Variants in ASPM observed in about 807,000 individuals in gnomAD.
ASPM encodes the protein assembly factor for spindle microtubules, also known as abnormal spindle-like microcephaly-associated protein.
Under a neutral mutation model 366.4 loss-of-function variants are expected in ASPM, and 256 were observed. The ratio of observed to expected loss-of-function variants is 0.70; its 90% confidence interval spans 0.63 to 0.77. ASPM has a LOEUF of 0.77. ASPM is among the 30% of genes least tolerant of loss of function. The pLI, the probability that ASPM is intolerant of heterozygous loss-of-function variation, is 0.00. For missense variants in ASPM, 4,146 were observed against 4,090.4 expected (o/e 1.01, Z -0.37); for synonymous variants, 1,414 against 1,342.9 (o/e 1.05, Z -1.16).
chr1:197,132,117 A>C (rs1658273308), intron 7 of ASPM, among the ~76,000 whole-genome samples, 168 bp downstream of exon 7: 1 of 152,208 alleles, frequency 6.6e-6, no homozygotes, highest in South Asian at 2.1e-4. Context: ...CTATTTACCT[A>C]ATAAGCATTT....
intron 4 of ASPM, chr1:197,138,875 C>G (rs1658498133): frequency 2.1e-6 from 2 of 949,342 alleles, no homozygotes; most frequent in Non-Finnish European, 1.7e-6. Context: ...CTTCTTCGAG[C>G]TTCCTTATCT....
rs539679809 is a variant in ASPM, at chr1:197,101,825, T to C, written c.7426A>G (p.Lys2476Glu). The change falls in exon 18 of 28, where the codon AAG (lysine) becomes GAG (glutamate). Residue 2476 changes from lysine (K) to glutamate (E), a missense_variant. Lys to Glu is a moderately conservative substitution (Grantham distance 56). This residue lies in a region of ASPM where 3,624 missense variants were observed against 3,591.7 expected (regional missense o/e 1.01). Coordinates refer to ENST00000367409, the MANE Select transcript of ASPM (RefSeq NM_018136.5). ...GCAGCCCTTTGCATTTCTTGTAACTTCTTCTTTACCATCAGTCTTCTGTAA... is the reference window on the plus strand; with the variant it reads ...GCAGCCCTTTGCATTTCTTGTAACTCCTTCTTTACCATCAGTCTTCTGTAA... Reference protein sequence around the residue: ...SSYRRLMVKKKLQEMQRAAVL... With the variant: ...SSYRRLMVKKELQEMQRAAVL... 1.4e-5 allele frequency: 22 copies of C among 1,612,844 alleles called. No homozygotes were observed. The South Asian group carries it at 2.4e-4, about 18-fold the overall frequency.
chr1:197,145,537 A>T (rs769562442), intron 1 of ASPM, among the ~76,000 whole-genome samples: 21 of 152,120 alleles, frequency 1.4e-4, no homozygotes, highest in Admixed American at 3.9e-4. Flanking sequence ...CGGAAAAAAA[A>T]ACCAGTTACC....
rs1384968652 is a variant in ASPM, at chr1:197,103,982, AAAT to A, written c.5266_5268del (p.Ile1756del). 3.1e-6 allele frequency: 5 copies of A among 1,612,488 alleles called. No individual in the cohort carries two copies. The highest frequency in any genetic ancestry group is 4.2e-6 in the Non-Finnish European group (5 of 1,179,374). ...CTCATTCTGAAATAAGACTGTAGTG[AAAT>A]AACAGCTTTTCTTTGTAACCTCATC... On this transcript the variant is annotated inframe_deletion, in exon 18 of 28. Transcript: ENST00000367409.
At position 197,132,330 on chromosome 1, in the gene ASPM, A is replaced by G. The variant is rs1446238691; in HGVS notation, c.2442T>C (p.Asn814=). The G allele has an allele frequency of 1.9e-6, 3 of 1,613,438 alleles. No individual in the cohort carries two copies. The highest frequency in any genetic ancestry group is 1.7e-5 in the Admixed American group (1 of 60,016). The stretch of plus-strand genomic sequence containing the variant: ...ACAAAGGATTGTAGGACAACAGCCA[A>G]TTCAGGACTTTCTGACGTTCTCCTG... ...KDVGERQKVL[N]WLLSYNPLWL... is the part of the protein sequence containing the mutation. Residue 814 remains asparagine (N), a synonymous_variant, in exon 7 of 28, where the codon AAT becomes AAC. Coordinates refer to ENST00000367409, the MANE Select transcript of ASPM (RefSeq NM_018136.5).
intron 19 of ASPM, 139 bp from the exon 20 acceptor site, chr1:197,094,319 T>C (rs1656892335): frequency 3.3e-6 from 2 of 614,500 alleles, no homozygotes; most frequent in Non-Finnish European, 5.8e-6. Flanking sequence ...AGTGGGCAAG[T>C]ATAATTCATA....
At chr1:197,088,553 C>T (rs1243356385) in intron 25 of ASPM, 121 bp from the exon 26 acceptor site, 9 of 768,408 alleles carry the variant, frequency 1.2e-5, no homozygotes. Context: ...GGACCACCTG[C>T]AGCAAGTGCA....
At chr1:197,099,364 A>G (rs1657083875) in intron 18 of ASPM, among the ~76,000 whole-genome samples, 1 of 151,422 alleles carries the variant, frequency 6.6e-6, no homozygotes, top group South Asian at 2.1e-4. Flanking sequence ...TCTATTGCCA[A>G]CCTGGTCCCA....
intron 16 of ASPM, 102 bp from the exon 17 acceptor site, chr1:197,118,085 T>C (rs927320144): frequency 3.5e-6 from 4 of 1,150,166 alleles, no homozygotes; most frequent in Non-Finnish European, 5.1e-6. Flanking sequence ...AAATTGATAC[T>C]GGAAATAAAA....
rs1220541386 is a variant in ASPM, at chr1:197,091,980, A to C, written c.9371T>G (p.Ile3124Ser). 1 of 1,612,022 alleles carries C rather than the reference A, an allele frequency of 6.2e-7. No individual in the cohort carries two copies. The highest frequency in any genetic ancestry group is 1.1e-5 in the South Asian group (1 of 91,032). Residue 3124 changes from isoleucine to serine, a missense_variant, in exon 22 of 28, where the codon ATT becomes AGT. Coordinates refer to ENST00000367409, the MANE Select transcript of ASPM (RefSeq NM_018136.5). ...AAYYHLNAVR[I>S]QRAYKLYLAV... ...CAGGTAAAGTTTATAGGCTCTTTGAATTCTAACAGCATTCAGGTGATAATA... is the reference window on the plus strand; with the variant it reads ...CAGGTAAAGTTTATAGGCTCTTTGACTTCTAACAGCATTCAGGTGATAATA...
intron 5 of ASPM, among the ~76,000 whole-genome samples, chr1:197,134,334 C>T (rs1451127410): frequency 3.9e-5 from 6 of 151,922 alleles, no homozygotes; most frequent in Admixed American, 1.3e-4. Flanking sequence ...ATTGCTTGAG[C>T]CTGGGAAGTG....
Position 197,093,169 on chromosome 1 carries a change from T to C in ASPM, c.9177A>G (p.Ile3059Met). 6.2e-7 allele frequency: 1 copy of C among 1,612,670 alleles called. No individual in the cohort carries two copies. The highest frequency in any genetic ancestry group is 8.5e-7 in the Non-Finnish European group (1 of 1,178,998). Residue 3059 changes from isoleucine (I) to methionine (M), a missense_variant, in exon 21 of 28, where the codon ATA (isoleucine) becomes ATG (methionine). By Grantham distance (10) the Ile-to-Met change is conservative. This residue lies in a region of ASPM where 3,624 missense variants were observed against 3,591.7 expected (regional missense o/e 1.01). Transcript: ENST00000367409. ...FLRQKSAALI[I>M]QKYIRAREAG... Reference sequence around the variant, plus strand: ...CCTCCCTGGCTCGTATATATTTTTGTATGATCAAAGCAGCAGATTTCTGCC... The same window carrying C: ...CCTCCCTGGCTCGTATATATTTTTGCATGATCAAAGCAGCAGATTTCTGCC...
chr1:197,094,904 GT>G (rs1433975774), intron 19 of ASPM, among the ~76,000 whole-genome samples: 8 of 151,702 alleles, frequency 5.3e-5, no homozygotes, highest in African/African-American at 1.9e-4. Flanking sequence ...TTAGATACTG[GT>G]CCTTAATAGC....
At chr1:197,138,914 G>C in intron 4 of ASPM, 2 of 884,418 alleles carry the variant, frequency 2.3e-6, no homozygotes, top group Non-Finnish European at 3.8e-6. Context: ...TAAGATGCTT[G>C]AACTTGTCCT....
chr1:197,112,913 G>C (rs1418217649), intron 17 of ASPM, among the ~76,000 whole-genome samples: 1 of 152,040 alleles, frequency 6.6e-6, no homozygotes, highest in Non-Finnish European at 1.5e-5. Flanking sequence ...TAAATTAACT[G>C]AGACCTGACT....
In ASPM at chr1:197,103,062, A is replaced by G. The variant is rs137852997; in HGVS notation, c.6189T>C (p.Tyr2063=). 1.9e-6 allele frequency: 3 copies of G among 1,612,394 alleles called. No homozygotes were observed. Among genetic ancestry groups the G allele is most frequent in the Non-Finnish European group, 2.5e-6 (3 of 1,179,240 alleles). Residue 2063 remains tyrosine, a synonymous_variant, in exon 18 of 28, where the codon TAT becomes TAC. Coordinates refer to ENST00000367409, the MANE Select transcript of ASPM (RefSeq NM_018136.5). Reference sequence around the variant, plus strand: ...TAATAGCTGAAGCTCTATAGGTTGCATATTTCTTTTTGGTTTTGTAAGCTC... The same window carrying G: ...TAATAGCTGAAGCTCTATAGGTTGCGTATTTCTTTTTGGTTTTGTAAGCTC... ...KYRAYKTKKK[Y]ATYRASAIII...
At chr1:197,132,410 A>G in intron 6 of ASPM, 58 bp from the exon 7 acceptor site, 1 of 1,465,024 alleles carries the variant, frequency 6.8e-7, no homozygotes, top group Non-Finnish European at 9.6e-7. Flanking sequence ...GAGACAAGAA[A>G]TAAAACTTCA....
At chr1:197,088,080 C>T in intron 26 of ASPM, 176 bp downstream of exon 26, 1 of 619,826 alleles carries the variant, frequency 1.6e-6, no homozygotes, top group Non-Finnish European at 2.7e-6. Context: ...CTTTAATAGT[C>T]AGAAAGAAAC....
At chr1:197,113,019 C>T (rs935475316) in intron 17 of ASPM, among the ~76,000 whole-genome samples, 2 of 152,142 alleles carry the variant, frequency 1.3e-5, no homozygotes, top group African/African-American at 4.8e-5. Context: ...CACATAAGCA[C>T]CATGGAATAC....
Sources: allele counts gnomAD v4.1 joint callset (sites outside exome capture counted in the v4.1 genomes callset), GRCh38; gene constraint gnomAD v4.1.1; regional missense constraint gnomAD v4.1.1; transcripts MANE v1.5; gene names NCBI Gene and HGNC (gene_info 2026-07-23, HGNC 2026-07-21).